KANSL2: variants seen among roughly 807,000 people sequenced by gnomAD.
KANSL2 encodes NSL complex protein NSL2.
Under a neutral mutation model 55.6 loss-of-function variants are expected in KANSL2, and 34 were observed. The observed-to-expected ratio is 0.61, with a 90% CI of 0.46 to 0.81. The LOEUF (loss-of-function observed/expected upper bound fraction) is 0.81, where lower values mean the gene tolerates loss of function less well. Ranked by LOEUF, KANSL2 falls within the 40% of genes least tolerant of loss-of-function variation. The pLI, the probability that KANSL2 is intolerant of heterozygous loss-of-function variation, is 0.00. For synonymous variants in KANSL2, 209 were observed against 214.3 expected, an observed-to-expected ratio of 0.98 and a Z score of 0.22; for missense variants, 502 against 609.9, an observed-to-expected ratio of 0.82 and a Z score of 1.86.
chr12:48,674,765 A>C (rs1290813400), intron 4 of KANSL2, among the ~76,000 whole-genome samples: 2 of 152,040 alleles, frequency 1.3e-5, no homozygotes, highest in African/African-American at 4.8e-5. Flanking sequence ...CTCTCTACTA[A>C]AAATACAAAA....
Position 48,671,965 on chromosome 12 carries a change from G to A in KANSL2, c.546-3C>T, listed in dbSNP as rs1012660194. 5.1e-6 allele frequency: 8 copies of A among 1,553,476 alleles called. No homozygotes were observed. The highest frequency in any genetic ancestry group is 1.4e-5 in the African/African-American group (1 of 72,640). ...CTGCTGTGTAGACACCAGCATGTCT[G>A]GAATAAAACAGAATTCAGCAAAGCA... On this transcript the variant is annotated splice_polypyrimidine_tract_variant and splice_region_variant and intron_variant, in intron 4 of 9. Transcript: ENST00000420613.
chr12:48,670,017 A>G (rs879929898), intron 5 of KANSL2, among the ~76,000 whole-genome samples: 1 of 151,976 alleles, frequency 6.6e-6, no homozygotes, highest in Non-Finnish European at 1.5e-5. Flanking sequence ...CCTGGCCAAC[A>G]TGGTGAAACC....
At chr12:48,668,902 G>C (rs1306633048) in intron 6 of KANSL2, among the ~76,000 whole-genome samples, 3 of 152,182 alleles carry the variant, frequency 2.0e-5, no homozygotes, top group Non-Finnish European at 4.4e-5. Context: ...GGCGCATGGT[G>C]GTGGGCACCT....
intron 5 of KANSL2, among the ~76,000 whole-genome samples, chr12:48,669,731 G>T (rs879506906): frequency 6.6e-6 from 1 of 151,554 alleles, no homozygotes; most frequent in Non-Finnish European, 1.5e-5. Context: ...TTGTGGTCTC[G>T]ATCTCCTGAC....
intron 4 of KANSL2, among the ~76,000 whole-genome samples, chr12:48,672,393 GTATATATATATATACGTATATATATATA>G (rs1422470428): frequency 1.6e-5 from 2 of 121,360 alleles, no homozygotes; most frequent in Admixed American, 1.8e-4. Context: ...ATATATACAT[GTATATATATATATACGTATATATATATA>G]TATATATATA....
chr12:48,671,497 T>G (rs549098996), intron 5 of KANSL2, among the ~76,000 whole-genome samples: 3 of 152,174 alleles, frequency 2.0e-5, no homozygotes, highest in Non-Finnish European at 4.4e-5. Context: ...AAGTGCCCAT[T>G]TTTAAAATCT....
At chr12:48,660,949 G>A (rs949622892) in intron 7 of KANSL2, among the ~76,000 whole-genome samples, 7 of 152,120 alleles carry the variant, frequency 4.6e-5, no homozygotes, top group Non-Finnish European at 8.8e-5. Flanking sequence ...ATATTCAGAA[G>A]AAACATGTAG....
In KANSL2 at chr12:48,660,437, CG is replaced by C; in HGVS notation, c.1155del (p.Gly386AlafsTer7). On this transcript the variant is annotated frameshift_variant, in exon 8 of 10. Transcript: ENST00000420613. LOFTEE classifies it high-confidence loss of function. ...QVLSVPDDLE[A>X]GPMDLYLSAA... Reference sequence around the variant, plus strand: ...GCACTCAAGTACAGATCCATGGGGCCGGCTTCCAGATCGTCTGGCACAGACA... The same window carrying C: ...GCACTCAAGTACAGATCCATGGGGCCGCTTCCAGATCGTCTGGCACAGACA... The C allele has an allele frequency of 6.2e-7, 1 of 1,613,888 alleles. No individual in the cohort carries two copies. The highest frequency in any genetic ancestry group is 1.1e-5 in the South Asian group (1 of 91,052).
chr12:48,681,636 C>CA lies in KANSL2; in HGVS notation c.-5dup. The CA allele has an allele frequency of 3.1e-6, 5 of 1,614,020 alleles. No individual in the cohort carries two copies. Among genetic ancestry groups the CA allele is most frequent in the Non-Finnish European group, 4.2e-6 (5 of 1,179,904 alleles). On this transcript the variant is annotated 5_prime_UTR_variant, in exon 2 of 10. Transcript: ENST00000420613. ...CGTGAATCCGAATCCTGTTCATAAC[C>CA]AAAACCTGCGGGGTCAAACGAAAGA...
chr12:48,680,977 C>T (rs537550578), intron 2 of KANSL2, among the ~76,000 whole-genome samples: 222 of 151,742 alleles, frequency 1.5e-3, no homozygotes, highest in African/African-American at 5.2e-3. Context: ...GCGCCGCCCC[C>T]CCGCCAAAAA....
At chr12:48,681,009 G>C (rs1394843314) in intron 2 of KANSL2, among the ~76,000 whole-genome samples, 1 of 151,360 alleles carries the variant, frequency 6.6e-6, no homozygotes, top group Non-Finnish European at 1.5e-5. Context: ...GGCCGGGCGC[G>C]GTCGCTCACG....
chr12:48,677,253 CATT>C (rs1939838730), intron 4 of KANSL2, among the ~76,000 whole-genome samples: 1 of 152,166 alleles, frequency 6.6e-6, no homozygotes, highest in Non-Finnish European at 1.5e-5. Flanking sequence ...GTACTTTCCA[CATT>C]TGTATTTCTC....
rs1939326660 is a variant in KANSL2 at position 48,653,797 on chromosome 12, T to C, written c.*247A>G. 2.8e-6 allele frequency: 1 copy of C among 361,316 alleles called. No individual in the cohort carries two copies. Among genetic ancestry groups the C allele is most frequent in the Non-Finnish European group, 4.9e-6 (1 of 203,440 alleles). The allele number at this position is 361,316 out of a possible 1,614,324, so 22.4% of individuals were successfully genotyped here. ...CATTACAAAGATGTCACTTTCCTTT[T>C]AGGTATAGTCCCAAATAATCCCAGA... On this transcript the variant is annotated 3_prime_UTR_variant, in exon 10 of 10. Coordinates refer to ENST00000420613, the MANE Select transcript of KANSL2 (RefSeq NM_017822.4).
chr12:48,667,125 A>G (rs940072092), intron 7 of KANSL2, among the ~76,000 whole-genome samples: 2 of 152,072 alleles, frequency 1.3e-5, no homozygotes, highest in African/African-American at 4.8e-5. Flanking sequence ...TGGAGGTTGC[A>G]GTGAGCCGAG....
chr12:48,671,136 G>A (rs1939705910), intron 5 of KANSL2, among the ~76,000 whole-genome samples: 1 of 151,968 alleles, frequency 6.6e-6, no homozygotes, highest in African/African-American at 2.4e-5. Flanking sequence ...ATGGTGGAAT[G>A]TGCCTGTAAT....
At chr12:48,668,812 T>A (rs1939650741) in intron 6 of KANSL2, among the ~76,000 whole-genome samples, 1 of 152,044 alleles carries the variant, frequency 6.6e-6, no homozygotes, top group African/African-American at 2.4e-5. Context: ...GAGGCCGAGG[T>A]GGGTAGATCA....
intron 8 of KANSL2, among the ~76,000 whole-genome samples, chr12:48,657,747 G>T (rs1939413469): frequency 6.6e-6 from 1 of 152,090 alleles, no homozygotes; most frequent in African/African-American, 2.4e-5. Flanking sequence ...CTCCCCAGTA[G>T]CTGGGATTAC....
At chr12:48,659,171 G>A (rs1592097818) in intron 8 of KANSL2, among the ~76,000 whole-genome samples, 1 of 152,068 alleles carries the variant, frequency 6.6e-6, no homozygotes, top group East Asian at 1.9e-4. Flanking sequence ...GCGCACACCT[G>A]TAGTCCCAGC....
chr12:48,654,984 T>TCTTCAA lies in KANSL2; in HGVS notation c.1298_1303dup (p.Glu434_Asp435insValGlu), dbSNP rs765383050. On this transcript the variant is annotated inframe_insertion, in exon 9 of 10. Transcript: ENST00000420613. ...TTCAGCAATTTCTTTGACTAAATGATCTTCAAGGGTTAGTGAAGGATCAAA... is the reference window on the plus strand; with the variant it reads ...TTCAGCAATTTCTTTGACTAAATGATCTTCAACTTCAAGGGTTAGTGAAGGATCAAA... The TCTTCAA allele has an allele frequency of 3.8e-6, 6 of 1,582,578 alleles. No homozygotes were observed. Among genetic ancestry groups the TCTTCAA allele is most frequent in the Non-Finnish European group, 5.2e-6 (6 of 1,164,102 alleles).
Sources: gnomAD v4.1 joint callset for allele counts (sites outside exome capture counted in the v4.1 genomes callset) on GRCh38, gnomAD v4.1.1 for gene constraint, MANE v1.5 for transcripts, NCBI Gene and HGNC (gene_info 2026-07-23, HGNC 2026-07-21) for gene names.